The following ADAMTSL1 variants were observed in gnomAD, a reference collection of about 807,000 sequenced individuals.
ADAMTSL1 encodes ADAMTS-like protein 1.
ADAMTSL1 carries 126 observed loss-of-function variants against 201.8 expected under a neutral mutation model. That is an observed-to-expected ratio of 0.62 (90% confidence interval 0.54 to 0.72). ADAMTSL1 has a LOEUF of 0.72. ADAMTSL1 is among the 30% of genes least tolerant of loss of function. ADAMTSL1 has a pLI of 0.00. For synonymous variants in ADAMTSL1, 1,121 were observed against 903.4 expected, an observed-to-expected ratio of 1.24 and a Z score of -4.32; for missense variants, 2,679 against 2,277.8, an observed-to-expected ratio of 1.18 and a Z score of -3.59.
At chr9:18,495,733 A>T (rs544171363) in intron 1 of ADAMTSL1, among the ~76,000 whole-genome samples, 25 of 152,252 alleles carry the variant, frequency 1.6e-4, no homozygotes, top group African/African-American at 5.5e-4. Context: ...AGAGTTTTTG[A>T]TGGACTTCAT....
At chr9:17,962,347 G>T (rs1343076545) in intron 1 of ADAMTSL1, among the ~76,000 whole-genome samples, 1 of 152,148 alleles carries the variant, frequency 6.6e-6, no homozygotes, top group Non-Finnish European at 1.5e-5. Flanking sequence ...ACACTTTCCT[G>T]TCAGTTGTTT....
chr9:18,602,352 A>C (rs1007434333), intron 4 of ADAMTSL1, among the ~76,000 whole-genome samples: 1 of 152,238 alleles, frequency 6.6e-6, no homozygotes, highest in African/African-American at 2.4e-5. Context: ...TCTCTTCTTT[A>C]GCCAAAAGTT....
At chr9:17,993,904 AG>A (rs1819266437) in intron 1 of ADAMTSL1, among the ~76,000 whole-genome samples, 1 of 152,098 alleles carries the variant, frequency 6.6e-6, no homozygotes, top group African/African-American at 2.4e-5. Context: ...CTTAAAAATG[AG>A]TCTCCATGTT....
chr9:18,775,769 C>A lies in ADAMTSL1; in HGVS notation c.2424C>A (p.Thr808=). ...TECSTSCGEG[T]QTRSAICRKM... ...GTTCCACAAGCTGCGGGGAAGGCAC[C>A]CAGACTCGAAGCGCCATTTGCCGAA... The change falls in exon 18 of 29, where the codon ACC becomes ACA. Residue 808 remains threonine, a synonymous_variant. Coordinates refer to ENST00000380548, the MANE Select transcript of ADAMTSL1 (RefSeq NM_001040272.6). 6.2e-7 allele frequency: 1 copy of A among 1,613,026 alleles called. No homozygotes were observed. The highest frequency in any genetic ancestry group is 8.5e-7 in the Non-Finnish European group (1 of 1,179,542).
At chr9:18,775,533 G>A (rs1820924670) in intron 17 of ADAMTSL1, among the ~76,000 whole-genome samples, 1 of 152,164 alleles carries the variant, frequency 6.6e-6, no homozygotes, top group South Asian at 2.1e-4. Flanking sequence ...AAGGTCTTCA[G>A]GAAACCTCAG....
chr9:18,592,542 G>A (rs963320104), intron 4 of ADAMTSL1, among the ~76,000 whole-genome samples: 9 of 152,000 alleles, frequency 5.9e-5, no homozygotes, highest in African/African-American at 1.7e-4. Flanking sequence ...ACTTTCGATG[G>A]CCGACCATTA....
chr9:18,227,554 A>C (rs1830476359), intron 2 of ADAMTSL1, among the ~76,000 whole-genome samples: 1 of 152,198 alleles, frequency 6.6e-6, no homozygotes, highest in Admixed American at 6.5e-5. Context: ...GCTTACATAC[A>C]TCTAGGCCCC....
Position 18,660,418 on chromosome 9 carries a change from T to G in ADAMTSL1, c.947-1517T>G, listed in dbSNP as rs1587827999. ...AGAAAACATGATTATCTGATGATTT[T>G]GGTCATTTCCTTCATTTTTGCTCTA... On this transcript the variant is annotated intron_variant, in intron 8 of 28. Transcript: ENST00000380548. Among the ~76,000 whole-genome samples, 5 of 152,316 alleles carry G rather than the reference T, an allele frequency of 3.3e-5. No individual in the cohort carries two copies. In the South Asian group the frequency reaches 1.0e-3, roughly 32 times the overall value.
At chr9:18,238,879 A>T (rs555949205) in intron 2 of ADAMTSL1, among the ~76,000 whole-genome samples, 5 of 152,346 alleles carry the variant, frequency 3.3e-5, no homozygotes, top group Non-Finnish European at 7.3e-5. Flanking sequence ...AATGCACAAT[A>T]TACGCATACC....
chr9:18,039,791 C>G (rs916667275), intron 1 of ADAMTSL1, among the ~76,000 whole-genome samples: 5 of 152,128 alleles, frequency 3.3e-5, no homozygotes, highest in Non-Finnish European at 5.9e-5. Context: ...TGAGGATACT[C>G]ATTTTTAAAA....
At chr9:18,318,956 C>A (rs1036956829) in intron 2 of ADAMTSL1, among the ~76,000 whole-genome samples, 3 of 152,158 alleles carry the variant, frequency 2.0e-5, no homozygotes, top group Non-Finnish European at 1.5e-5. Context: ...TGCCTGTAAT[C>A]CTAACACTTT....
intron 2 of ADAMTSL1, among the ~76,000 whole-genome samples, chr9:18,332,288 T>C (rs187076493): frequency 1.3e-5 from 2 of 152,304 alleles, no homozygotes; most frequent in East Asian, 3.9e-4. Context: ...CCTATAAAGT[T>C]TTTATAATTT....
At chr9:18,728,796 C>T (rs754943298) in intron 15 of ADAMTSL1, among the ~76,000 whole-genome samples, 4 of 152,130 alleles carry the variant, frequency 2.6e-5, no homozygotes, top group Non-Finnish European at 2.9e-5. Flanking sequence ...AGAGAGTGGA[C>T]GGAGGCCAGA....
At position 18,846,213 on chromosome 9, in the gene ADAMTSL1, G is replaced by A. The variant is rs543052338; in HGVS notation, c.4249+16236G>A. Among the ~76,000 whole-genome samples the A allele has an allele frequency of 2.6e-5, 4 of 152,318 alleles. No individual in the cohort carries two copies. In the South Asian group the frequency reaches 8.3e-4, roughly 32 times the overall value. On this transcript the variant is annotated intron_variant, in intron 23 of 28. Transcript: ENST00000380548. The stretch of plus-strand genomic sequence containing the variant: ...AACAAATTGATGTTTGTAGTCCTTT[G>A]CAGTGTGATTCCAGTGGGGGCACTT...
intron 4 of ADAMTSL1, among the ~76,000 whole-genome samples, chr9:18,603,535 A>T (rs1454691556): frequency 6.6e-6 from 1 of 152,206 alleles, no homozygotes; most frequent in Non-Finnish European, 1.5e-5. Flanking sequence ...AAGAGGCCAT[A>T]GGACCAGCTG....
intron 2 of ADAMTSL1, among the ~76,000 whole-genome samples, chr9:18,299,516 T>C (rs1587500488): frequency 6.6e-6 from 1 of 152,280 alleles, no homozygotes; most frequent in East Asian, 1.9e-4. Context: ...GCTCCACAGA[T>C]GAGAAGAGAG....
chr9:18,291,071 G>A (rs568316296), intron 2 of ADAMTSL1, among the ~76,000 whole-genome samples: 7 of 152,216 alleles, frequency 4.6e-5, no homozygotes, highest in South Asian at 2.1e-4. Context: ...GTGAGCCACC[G>A]CACCCGGGCC....
intron 15 of ADAMTSL1, among the ~76,000 whole-genome samples, chr9:18,724,908 C>A (rs986268651): frequency 2.6e-4 from 13 of 49,346 alleles, no homozygotes; most frequent in African/African-American, 7.0e-4. Context: ...CAGGATTGAA[C>A]CTTTTTTTTT....
chr9:18,777,615 C>T lies in ADAMTSL1; in HGVS notation c.3386C>T (p.Pro1129Leu). The T allele has an allele frequency of 6.2e-7, 1 of 1,613,630 alleles. No individual in the cohort carries two copies. The highest frequency in any genetic ancestry group is 8.5e-7 in the Non-Finnish European group (1 of 1,179,810). ...LLKPSERRTSPVTLSPHKHVS... is the reference protein window; with the variant it reads ...LLKPSERRTSLVTLSPHKHVS... Reference sequence around the variant, plus strand: ...AAGCCCTCGGAGCGCAGGACTTCCCCAGTGACTCTCTCGCCTCATAAACAC... The same window carrying T: ...AAGCCCTCGGAGCGCAGGACTTCCCTAGTGACTCTCTCGCCTCATAAACAC... Residue 1129 changes from proline to leucine, a missense_variant, in exon 19 of 29, where the codon CCA becomes CTA. Pro to Leu is a moderately conservative substitution (Grantham distance 98). Coordinates refer to ENST00000380548, the MANE Select transcript of ADAMTSL1 (RefSeq NM_001040272.6).
Sources: allele counts gnomAD v4.1 joint callset (sites outside exome capture counted in the v4.1 genomes callset), GRCh38; gene constraint gnomAD v4.1.1; transcripts MANE v1.5; gene names NCBI Gene and HGNC (gene_info 2026-07-23, HGNC 2026-07-21).